Variants in MATN1 observed in about 807,000 individuals in gnomAD.
MATN1 encodes the protein matrilin-1.
In MATN1, 34 loss-of-function variants were observed where a neutral mutation model predicts 41.3. That is an observed-to-expected ratio of 0.82 (90% CI 0.63 to 1.10). MATN1 has a LOEUF of 1.10. Ranked by LOEUF, MATN1 falls within the 50% of genes least tolerant of loss-of-function variation. The probability of loss-of-function intolerance (pLI) is 0.00; values close to 1 mark genes in which losing one functional copy is unlikely to be tolerated. For missense variants in MATN1, 602 were observed against 662.4 expected, an observed-to-expected ratio of 0.91 and a Z score of 1.00; for synonymous variants, 264 against 278.7, an observed-to-expected ratio of 0.95 and a Z score of 0.53.
rs1418072483 is a variant in MATN1 at position 30,712,616 on chromosome 1, G to A, written c.*966C>T. 6.6e-6 allele frequency: 1 copy of A among 152,380 alleles called. No homozygotes were observed. The highest frequency in any genetic ancestry group is 1.5e-5 in the Non-Finnish European group (1 of 68,264). The allele number at this position is 152,380 out of a possible 1,614,324, so 9.4% of individuals were successfully genotyped here. ...AACCCACTCTCTTTTCCTCTGGCTG[G>A]TCCCTCTGGCTGGTGGGGGTGACAT... On this transcript the variant is annotated 3_prime_UTR_variant, in exon 8 of 8. Transcript: ENST00000373765.
chr1:30,720,726 C>T (rs564803533), intron 2 of MATN1: 2 of 152,566 alleles, frequency 1.3e-5, no homozygotes, highest in African/African-American at 4.8e-5. Context: ...GGACACCTGG[C>T]TTAGCCTCAG....
intron 5 of MATN1, 101 bp from the exon 6 acceptor site, chr1:30,715,410 C>T: frequency 9.7e-7 from 1 of 1,031,020 alleles, no homozygotes; most frequent in South Asian, 1.5e-5. Flanking sequence ...CAGACACCTC[C>T]TGCTGGCAGC....
At position 30,714,440 on chromosome 1, in the gene MATN1, G is replaced by A. The variant is rs1316193963; in HGVS notation, c.1361-113C>T. 4.9e-6 allele frequency: 4 copies of A among 810,966 alleles called. No homozygotes were observed. In the African/African-American group the frequency reaches 6.8e-5, roughly 14 times the overall value. The allele number at this position is 810,966 out of a possible 1,614,324, so 50.2% of individuals were successfully genotyped here. A position where few individuals can be genotyped will look rare whatever the true frequency, so the allele number is the denominator to read the frequency against. On this transcript the variant is annotated intron_variant, in intron 6 of 7. Transcript: ENST00000373765. Reference sequence around the variant, plus strand: ...ACTCAGGATTCCCGGGGAGGTGAGGGGCTTAAGGGACCTGAGGAGGCAGAA... The same window carrying A: ...ACTCAGGATTCCCGGGGAGGTGAGGAGCTTAAGGGACCTGAGGAGGCAGAA...
rs536562422 is a variant in MATN1, at chr1:30,723,242, A to T, written c.94+216T>A. Among the ~76,000 whole-genome samples the T allele has an allele frequency of 5.3e-5, 8 of 152,224 alleles. No individual in the cohort carries two copies. In the South Asian group the frequency reaches 1.7e-3, roughly 32 times the overall value. On this transcript the variant is annotated intron_variant, in intron 1 of 7. Transcript: ENST00000373765. ...GAAGACCAAGGTCCCTGCCTCATGC[A>T]TGGTCCCTGAGGGCTGAGGAGCACC... is the stretch of plus-strand genomic sequence containing the variant.
intron 6 of MATN1, 87 bp downstream of exon 6, chr1:30,715,070 C>T (rs878880346): frequency 1.3e-6 from 2 of 1,525,648 alleles, no homozygotes; most frequent in Non-Finnish European, 1.8e-6. Flanking sequence ...CCCTGCTTTT[C>T]CCCACCCACA....
intron 3 of MATN1, among the ~76,000 whole-genome samples, chr1:30,717,878 C>A (rs920832482): frequency 6.6e-6 from 1 of 152,176 alleles, no homozygotes; most frequent in Non-Finnish European, 1.5e-5. Context: ...TGGTCTCGAT[C>A]TCCTGACTTC....
intron 3 of MATN1, among the ~76,000 whole-genome samples, chr1:30,717,649 T>TG (rs1488420410): frequency 5.0e-5 from 6 of 119,462 alleles, no homozygotes; most frequent in Non-Finnish European, 1.0e-4. Flanking sequence ...GCGGTTTTTT[T>TG]TTTTGTTTTG....
chr1:30,717,996 T>C (rs115470986), intron 3 of MATN1, among the ~76,000 whole-genome samples: 3,028 of 152,260 alleles, frequency 0.02, 98 homozygotes, highest in African/African-American at 0.069. Context: ...TCCCTTAACC[T>C]GGGGCTGGAG....
chr1:30,713,950 G>C, intron 7 of MATN1: 1 of 578,474 alleles, frequency 1.7e-6, no homozygotes, highest in Non-Finnish European at 3.1e-6. Context: ...CCATGAGCCT[G>C]AGAAATGGGG....
At chr1:30,714,053 C>T (rs1233310168) in intron 7 of MATN1, 194 bp downstream of exon 7, 3 of 602,958 alleles carry the variant, frequency 5.0e-6, no homozygotes, top group Non-Finnish European at 6.0e-6. Context: ...TTCTTGTTTA[C>T]CTTCTAGGAG....
chr1:30,718,824 G>A lies in MATN1; in HGVS notation c.575C>T (p.Ala192Val). The change falls in exon 3 of 8, where the codon GCC becomes GTC. Residue 192 changes from alanine to valine, a missense_variant. Coordinates refer to ENST00000373765, the MANE Select transcript of MATN1 (RefSeq NM_002379.3). ...GACGTGTTCGTCCTGCGGCTCGCTG[G>A]CGATCTGCCGCAGCGTGGCCTTGTC... ...SVDKATLRQI[A>V]SEPQDEHVDY... The A allele has an allele frequency of 6.2e-7, 1 of 1,609,454 alleles. No individual in the cohort carries two copies. Among genetic ancestry groups the A allele is most frequent in the Non-Finnish European group, 8.5e-7 (1 of 1,178,830 alleles).
Position 30,721,355 on chromosome 1 carries a change from G to T in MATN1, c.441+50C>A, listed in dbSNP as rs374863504. On this transcript the variant is annotated intron_variant, in intron 2 of 7. Transcript: ENST00000373765. Reference sequence around the variant, plus strand: ...GTCTGCAGGCAAAGCTCATAACTCCGAGCGGGAGCCTCCAAACAGCAGCAT... The same window carrying T: ...GTCTGCAGGCAAAGCTCATAACTCCTAGCGGGAGCCTCCAAACAGCAGCAT... 3.3e-6 allele frequency: 5 copies of T among 1,525,452 alleles called. No individual in the cohort carries two copies. In the African/African-American group the frequency reaches 4.1e-5, roughly 12 times the overall value. The allele number at this position is 1,525,452 out of a possible 1,614,324, so 94.5% of individuals were successfully genotyped here.
At chr1:30,721,361 G>A in intron 2 of MATN1, 44 bp downstream of exon 2, 1 of 1,543,918 alleles carries the variant, frequency 6.5e-7, no homozygotes, top group Non-Finnish European at 8.9e-7. Flanking sequence ...CTCCGAGCGG[G>A]AGCCTCCAAA....
intron 5 of MATN1, 24 bp downstream of exon 5, chr1:30,715,885 A>G: frequency 6.3e-7 from 1 of 1,599,338 alleles, no homozygotes; most frequent in Non-Finnish European, 8.5e-7. Flanking sequence ...AGTGGTGTCC[A>G]GGGTCCAGGC....
In MATN1 at chr1:30,715,217, T is replaced by G; in HGVS notation, c.1300A>C (p.Thr434Pro). The G allele has an allele frequency of 6.2e-7, 1 of 1,614,200 alleles. No individual in the cohort carries two copies. The highest frequency in any genetic ancestry group is 1.1e-5 in the South Asian group (1 of 91,086). ...TGGTTGATGGTCTTGAAGTCAGCCGTGTAGAAGTAGTGCTCTGCCACAGGC... is the reference window on the plus strand; with the variant it reads ...TGGTTGATGGTCTTGAAGTCAGCCGGGTAGAAGTAGTGCTCTGCCACAGGC... Reference protein sequence around the residue: ...SEPVAEHYFYTADFKTINQIG... With the variant: ...SEPVAEHYFYPADFKTINQIG... The change falls in exon 6 of 8, where the codon ACG becomes CCG. Residue 434 changes from threonine (T) to proline (P), a missense_variant. Transcript: ENST00000373765.
At chr1:30,714,210 C>T (rs1292657959) in intron 7 of MATN1, 37 bp downstream of exon 7, 3 of 1,528,844 alleles carry the variant, frequency 2.0e-6, no homozygotes, top group East Asian at 2.4e-5. Flanking sequence ...CTGGCCTGCG[C>T]CCCTCCCCAG....
intron 3 of MATN1, 114 bp downstream of exon 3, chr1:30,718,621 C>CCCCCCCCCCCCCG: frequency 2.6e-6 from 1 of 387,504 alleles, no homozygotes; most frequent in Non-Finnish European, 4.3e-6. Flanking sequence ...TGCCCTGCGC[C>CCCCCCCCCCCCCG]GGCGCTGGCT....
rs1639601439 is a variant in MATN1, at chr1:30,715,288, C to A, written c.1229G>T (p.Gly410Val). The A allele has an allele frequency of 6.2e-7, 1 of 1,614,100 alleles. No homozygotes were observed. Among genetic ancestry groups the A allele is most frequent in the Non-Finnish European group, 8.5e-7 (1 of 1,180,042 alleles). Reference sequence around the variant, plus strand: ...CTCATCCTCCACGGCATTGCCCACACCCACAGCAAACATCTTAAAGCCTGC... The same window carrying A: ...CTCATCCTCCACGGCATTGCCCACAACCACAGCAAACATCTTAAAGCCTGC... ...KDLGFKMFAV[G>V]VGNAVEDELR... The change falls in exon 6 of 8, where the codon GGT (glycine) becomes GTT (valine). Residue 410 changes from glycine (G) to valine (V), a missense_variant. Gly to Val is a moderately radical substitution (Grantham distance 109). Coordinates refer to ENST00000373765, the MANE Select transcript of MATN1 (RefSeq NM_002379.3).
Position 30,721,567 on chromosome 1 carries a change from G to A in MATN1, c.279C>T (p.Phe93=), listed in dbSNP as rs1452267116. 2 of 1,613,404 alleles carry A rather than the reference G, an allele frequency of 1.2e-6. No individual in the cohort carries two copies. The highest frequency in any genetic ancestry group is 4.5e-5 in the East Asian group (2 of 44,878). ...VNYASTVKQE[F]SLRAHVSKAA... The stretch of plus-strand genomic sequence containing the variant: ...CCTTGGAGACATGAGCCCGCAGCGA[G>A]AACTCCTGCTTCACGGTGCTGGCAT... Residue 93 remains phenylalanine (F), a synonymous_variant, in exon 2 of 8, where the codon TTC becomes TTT. Transcript: ENST00000373765.
Sources: gnomAD v4.1 joint callset for allele counts (sites outside exome capture counted in the v4.1 genomes callset) on GRCh38, gnomAD v4.1.1 for gene constraint, MANE v1.5 for transcripts, NCBI Gene and HGNC (gene_info 2026-07-23, HGNC 2026-07-21) for gene names.